Variants in CADPS2 observed in about 807,000 individuals in gnomAD.
CADPS2 encodes the protein calcium dependent secretion activator 2, also known as calcium-dependent secretion activator 2.
Under a neutral mutation model 172.5 loss-of-function variants are expected in CADPS2, and 93 were observed. That is an observed-to-expected ratio of 0.54 (90% CI 0.46 to 0.64). The LOEUF (loss-of-function observed/expected upper bound fraction) is 0.64, where lower values mean the gene tolerates loss of function less well. CADPS2 is among the 30% of genes least tolerant of loss of function. The probability of loss-of-function intolerance (pLI) is 0.00; values close to 1 mark genes in which losing one functional copy is unlikely to be tolerated. For missense variants in CADPS2, 1,420 were observed against 1,565.9 expected, an observed-to-expected ratio of 0.91 and a Z score of 1.57; for synonymous variants, 546 against 555.2, an observed-to-expected ratio of 0.98 and a Z score of 0.23.
chr7:122,848,290 G>T (rs1312092107), intron 1 of CADPS2, among the ~76,000 whole-genome samples: 1 of 152,180 alleles, frequency 6.6e-6, no homozygotes, highest in Non-Finnish European at 1.5e-5. Flanking sequence ...AGAGCCCACA[G>T]AGGTCACTGC....
At chr7:122,541,804 T>C (rs958957890) in intron 8 of CADPS2, among the ~76,000 whole-genome samples, 7 of 122,014 alleles carry the variant, frequency 5.7e-5, no homozygotes, top group Non-Finnish European at 8.8e-5. Flanking sequence ...TATTCATATA[T>C]ATTTATATAT....
chr7:122,646,541 T>C lies in CADPS2; in HGVS notation c.786+16696A>G, dbSNP rs565601622. Among the ~76,000 whole-genome samples the C allele has an allele frequency of 2.6e-5, 4 of 152,078 alleles. No homozygotes were observed. In the South Asian group the frequency reaches 6.2e-4, roughly 24 times the overall value. ...AAGTAGGAATTCCAAATGAAGAGAATAACGTGAGGTAAAATTAAAATCCAA... is the reference window on the plus strand; with the variant it reads ...AAGTAGGAATTCCAAATGAAGAGAACAACGTGAGGTAAAATTAAAATCCAA... On this transcript the variant is annotated intron_variant, in intron 3 of 29. Coordinates refer to ENST00000449022, the MANE Select transcript of CADPS2 (RefSeq NM_017954.11).
At chr7:122,642,938 A>G (rs1285212891) in intron 3 of CADPS2, among the ~76,000 whole-genome samples, 1 of 152,136 alleles carries the variant, frequency 6.6e-6, no homozygotes, top group African/African-American at 2.4e-5. Context: ...TTGTTTTCTT[A>G]TAATATTTAT....
intron 5 of CADPS2, 47 bp downstream of exon 5, chr7:122,621,434 A>C (rs201366088): frequency 1.2e-5 from 14 of 1,196,116 alleles, no homozygotes; most frequent in Admixed American, 2.0e-5. Context: ...ATTATTGTGC[A>C]TCATCATTTA....
chr7:122,723,876 T>C (rs529160608), intron 2 of CADPS2, among the ~76,000 whole-genome samples: 1 of 152,158 alleles, frequency 6.6e-6, no homozygotes, highest in South Asian at 2.1e-4. Context: ...ATGTCCTTTG[T>C]AGGGACATGG....
At chr7:122,863,804 C>G (rs1817580889) in intron 1 of CADPS2, among the ~76,000 whole-genome samples, 1 of 152,126 alleles carries the variant, frequency 6.6e-6, no homozygotes, top group Non-Finnish European at 1.5e-5. Context: ...CTGAGGCATG[C>G]AGATCACCTG....
intron 2 of CADPS2, among the ~76,000 whole-genome samples, chr7:122,718,520 C>T (rs1470582526): frequency 6.6e-6 from 1 of 152,014 alleles, no homozygotes; most frequent in African/African-American, 2.4e-5. Flanking sequence ...CCATGGCCTT[C>T]TAAACAGGGA....
At chr7:122,455,273 C>T (rs771837904) in intron 14 of CADPS2, among the ~76,000 whole-genome samples, 1 of 152,274 alleles carries the variant, frequency 6.6e-6, no homozygotes, top group Non-Finnish European at 1.5e-5. Flanking sequence ...CACATGCACA[C>T]CTGGCTTGCT....
At chr7:122,743,041 G>A (rs2138059631) in intron 1 of CADPS2, among the ~76,000 whole-genome samples, 1 of 152,038 alleles carries the variant, frequency 6.6e-6, no homozygotes, top group East Asian at 1.9e-4. Flanking sequence ...ATTTACCAAT[G>A]AATAAAATAT....
chr7:122,780,150 G>A (rs1000909621), intron 1 of CADPS2, among the ~76,000 whole-genome samples: 3 of 151,992 alleles, frequency 2.0e-5, no homozygotes, highest in Admixed American at 2.0e-4. Context: ...TCTTATTTCT[G>A]TACACATATA....
Position 122,706,674 on chromosome 7 carries a change from TAC to T in CADPS2, c.453+30279_453+30280del, listed in dbSNP as rs771652699. ...CTCTTAACAAGAGATAGGTAGAACATACATATATATATTCTTTTATATATACA... is the reference window on the plus strand; with the variant it reads ...CTCTTAACAAGAGATAGGTAGAACATATATATATATTCTTTTATATATACA... On this transcript the variant is annotated intron_variant, in intron 2 of 29. Coordinates refer to ENST00000449022, the MANE Select transcript of CADPS2 (RefSeq NM_017954.11). Among the ~76,000 whole-genome samples, 617 of 146,468 alleles carry T rather than the reference TAC, an allele frequency of 4.2e-3. 5 individuals carry two copies. The highest frequency in any genetic ancestry group is 7.2e-3 in the Non-Finnish European group (484 of 66,772).
At chr7:122,419,870 AC>A (rs1352892631) in intron 17 of CADPS2, among the ~76,000 whole-genome samples, 1 of 152,116 alleles carries the variant, frequency 6.6e-6, no homozygotes, top group African/African-American at 2.4e-5. Flanking sequence ...TCTTTGCCTA[AC>A]TCTGCATGTT....
At chr7:122,691,979 G>A (rs908658156) in intron 2 of CADPS2, among the ~76,000 whole-genome samples, 2 of 152,164 alleles carry the variant, frequency 1.3e-5, no homozygotes, top group African/African-American at 4.8e-5. Flanking sequence ...AAATTTATCC[G>A]GGTTCAGAGA....
intron 19 of CADPS2, among the ~76,000 whole-genome samples, chr7:122,411,878 G>A (rs761216479): frequency 5.3e-5 from 8 of 152,146 alleles, no homozygotes; most frequent in Admixed American, 2.0e-4. Flanking sequence ...TACAACTTCC[G>A]TGATTCACTG....
At chr7:122,515,905 ATTTC>A (rs2060334689) in intron 8 of CADPS2, among the ~76,000 whole-genome samples, 4 of 151,832 alleles carry the variant, frequency 2.6e-5, no homozygotes, top group African/African-American at 7.3e-5. Context: ...AATTTTGTTA[ATTTC>A]TTTATTAAAA....
intron 2 of CADPS2, among the ~76,000 whole-genome samples, chr7:122,705,740 T>TATATC (rs2087026311): frequency 8.1e-5 from 1 of 12,374 alleles, no homozygotes; most frequent in African/African-American, 2.2e-4. Flanking sequence ...TATTATATAA[T>TATATC]ATATAATATA....
intron 7 of CADPS2, among the ~76,000 whole-genome samples, chr7:122,569,437 G>A (rs560059069): frequency 1.1e-4 from 17 of 151,916 alleles, no homozygotes; most frequent in Non-Finnish European, 2.2e-4. Flanking sequence ...AATCAATACC[G>A]TGAAAATGGC....
At chr7:122,712,034 AAAC>A (rs1464930769) in intron 2 of CADPS2, among the ~76,000 whole-genome samples, 1 of 152,168 alleles carries the variant, frequency 6.6e-6, no homozygotes, top group African/African-American at 2.4e-5. Flanking sequence ...ATTTAAAAAA[AAAC>A]ACTCTTGTAT....
At chr7:122,642,939 T>C (rs1440156282) in intron 3 of CADPS2, among the ~76,000 whole-genome samples, 1 of 152,220 alleles carries the variant, frequency 6.6e-6, no homozygotes, top group Non-Finnish European at 1.5e-5. Context: ...TGTTTTCTTA[T>C]AATATTTATC....
Sources: allele counts gnomAD v4.1 joint callset (sites outside exome capture counted in the v4.1 genomes callset), GRCh38; gene constraint gnomAD v4.1.1; transcripts MANE v1.5; gene names NCBI Gene and HGNC (gene_info 2026-07-23, HGNC 2026-07-21).